The following DDR2 variants were observed in gnomAD, a reference collection of about 807,000 sequenced individuals.
The protein encoded by DDR2 is discoidin domain-containing receptor 2.
Under a neutral mutation model 94.9 loss-of-function variants are expected in DDR2, and 27 were observed. That is an observed-to-expected ratio of 0.28 (90% CI 0.21 to 0.39). The LOEUF (loss-of-function observed/expected upper bound fraction) is 0.39, where lower values mean the gene tolerates loss of function less well. DDR2 is among the 10% of genes least tolerant of loss of function. The pLI is 1.00. For synonymous variants in DDR2, 382 were observed against 377.2 expected, an observed-to-expected ratio of 1.01 and a Z score of -0.15; for missense variants, 783 against 1,076.0, an observed-to-expected ratio of 0.73 and a Z score of 3.81.
intron 11 of DDR2, among the ~76,000 whole-genome samples, chr1:162,768,578 C>G (rs1664111734): frequency 6.6e-6 from 1 of 152,150 alleles, no homozygotes; most frequent in African/African-American, 2.4e-5. Context: ...GTCTCTAGAG[C>G]TTTCTAGATG....
chr1:162,723,407 A>G (rs1393027575), intron 3 of DDR2, among the ~76,000 whole-genome samples: 2 of 152,162 alleles, frequency 1.3e-5, no homozygotes, highest in Non-Finnish European at 2.9e-5. Flanking sequence ...AGACCCCACA[A>G]TCATGCACAA....
Position 162,682,927 on chromosome 1 carries a change from A to G in DDR2, c.-28+27553A>G, listed in dbSNP as rs80121304. Among the ~76,000 whole-genome samples the G allele has an allele frequency of 7.8e-3, 1,192 of 152,316 alleles. 8 individuals are homozygous for G. Among genetic ancestry groups the G allele is most frequent in the African/African-American group, 0.028 (1,149 of 41,574 alleles). On this transcript the variant is annotated intron_variant, in intron 2 of 17. Coordinates refer to ENST00000367921, the MANE Select transcript of DDR2 (RefSeq NM_006182.4). ...AAAGAAAAAGGATGAAGAAAGCTAT[A>G]TTATATAAACATTAATTGAATGAAA...
chr1:162,659,338 T>TG (rs1658175953), intron 2 of DDR2, among the ~76,000 whole-genome samples: 3 of 152,084 alleles, frequency 2.0e-5, no homozygotes, highest in Non-Finnish European at 4.4e-5. Flanking sequence ...ACCTAAGCCT[T>TG]GGGGGCTAGG....
Position 162,645,514 on chromosome 1 carries a change from G to A in DDR2, c.-191-9697G>A, listed in dbSNP as rs557713005. ...CCAATAAAATTTAAATTATTTTAATGTGATAGATAATGTGGTTTTGTTGAA... is the reference window on the plus strand; with the variant it reads ...CCAATAAAATTTAAATTATTTTAATATGATAGATAATGTGGTTTTGTTGAA... On this transcript the variant is annotated intron_variant, in intron 1 of 17. Transcript: ENST00000367921. Among the ~76,000 whole-genome samples, 78 of 152,298 alleles carry A rather than the reference G, an allele frequency of 5.1e-4. No homozygotes were observed. In the South Asian group the frequency reaches 0.016, roughly 30 times the overall value.
At chr1:162,777,880 G>A (rs557039720) in intron 16 of DDR2, 1 of 154,038 alleles carries the variant, frequency 6.5e-6, no homozygotes, top group East Asian at 1.9e-4. Flanking sequence ...GGACCACCAG[G>A]TTGCCTAAAG....
At chr1:162,761,561 C>T in intron 9 of DDR2, 107 bp downstream of exon 9, 6 of 1,548,794 alleles carry the variant, frequency 3.9e-6, no homozygotes, top group South Asian at 3.5e-5. Context: ...TGGGATTGTA[C>T]AGGCAGCTTC....
chr1:162,663,270 G>A (rs1658396474), intron 2 of DDR2, among the ~76,000 whole-genome samples: 1 of 152,100 alleles, frequency 6.6e-6, no homozygotes, highest in Non-Finnish European at 1.5e-5. Flanking sequence ...AGTCAAATAT[G>A]CAGGGCTGAC....
At chr1:162,685,472 G>A (rs1339126606) in intron 2 of DDR2, among the ~76,000 whole-genome samples, 3 of 152,074 alleles carry the variant, frequency 2.0e-5, no homozygotes, top group Admixed American at 2.0e-4. Flanking sequence ...TTTTAGACTG[G>A]GAGGCACACT....
At chr1:162,645,905 T>A (rs1201103474) in intron 1 of DDR2, among the ~76,000 whole-genome samples, 2 of 152,324 alleles carry the variant, frequency 1.3e-5, no homozygotes, top group East Asian at 3.9e-4. Context: ...CCATTCTTCT[T>A]TGTGTGTTTA....
At chr1:162,729,868 C>T (rs994781593) in intron 3 of DDR2, among the ~76,000 whole-genome samples, 4 of 151,732 alleles carry the variant, frequency 2.6e-5, no homozygotes, top group Admixed American at 6.6e-5. Flanking sequence ...CTCAGCCTCT[C>T]GAGTAGCTGG....
At chr1:162,736,756 A>G (rs1166532835) in intron 3 of DDR2, among the ~76,000 whole-genome samples, 1 of 152,250 alleles carries the variant, frequency 6.6e-6, no homozygotes, top group Non-Finnish European at 1.5e-5. Flanking sequence ...CAGTACGTGA[A>G]AGAATGGGCA....
At chr1:162,731,543 A>G (rs1034213216) in intron 3 of DDR2, among the ~76,000 whole-genome samples, 1 of 152,236 alleles carries the variant, frequency 6.6e-6, no homozygotes, top group Non-Finnish European at 1.5e-5. Context: ...ATTAACTCAT[A>G]TATTCCTTAT....
At chr1:162,760,358 T>TTTTG (rs144291746) in intron 8 of DDR2, among the ~76,000 whole-genome samples, 1 of 143,028 alleles carries the variant, frequency 7.0e-6, no homozygotes, top group Non-Finnish European at 1.5e-5. Flanking sequence ...ACCAGCACAG[T>TTTTG]TGTGTGTGTG....
chr1:162,731,472 A>T (rs1662044026), intron 3 of DDR2, among the ~76,000 whole-genome samples: 1 of 152,216 alleles, frequency 6.6e-6, no homozygotes, highest in Non-Finnish European at 1.5e-5. Context: ...CAAAGTAAAA[A>T]TAATTAAAAA....
rs1663300144 is a variant in DDR2, at chr1:162,753,217, GA to G, written c.185+23del. ...TGGAAGGTGAGGATGGTTACATCAA[GA>G]AAGCCCATGTTCTGGGGTTGGGCAG... On this transcript the variant is annotated intron_variant, in intron 4 of 17. Coordinates refer to ENST00000367921, the MANE Select transcript of DDR2 (RefSeq NM_006182.4). 1 of 1,608,020 alleles carries G rather than the reference GA, an allele frequency of 6.2e-7. No homozygotes were observed. The highest frequency in any genetic ancestry group is 1.1e-5 in the South Asian group (1 of 90,882).
At chr1:162,640,900 T>G (rs1417683057) in intron 1 of DDR2, among the ~76,000 whole-genome samples, 1 of 151,278 alleles carries the variant, frequency 6.6e-6, no homozygotes, top group Non-Finnish European at 1.5e-5. Context: ...TGGGACTATA[T>G]GTGCGTACTA....
intron 13 of DDR2, among the ~76,000 whole-genome samples, chr1:162,772,669 G>C (rs1380068429): frequency 6.6e-6 from 1 of 151,880 alleles, no homozygotes; most frequent in Non-Finnish European, 1.5e-5. Flanking sequence ...AAACAACCTC[G>C]CCCCTGCCTT....
intron 10 of DDR2, among the ~76,000 whole-genome samples, chr1:162,766,388 G>A (rs918824085): frequency 5.3e-5 from 8 of 152,290 alleles, no homozygotes; most frequent in African/African-American, 1.9e-4. Context: ...CTAAGGAGGG[G>A]TGGAAATCAA....
In DDR2 at chr1:162,755,201, T is replaced by A; in HGVS notation, c.463T>A (p.Leu155Met). Residue 155 changes from leucine to methionine, a missense_variant, in exon 6 of 18, where the codon TTG becomes ATG. Transcript: ENST00000367921. Reference sequence around the variant, plus strand: ...CCCCTATGACATTTTCCTAAAGGACTTGGAGCCGCCCATTGTAGCCAGATT... The same window carrying A: ...CCCCTATGACATTTTCCTAAAGGACATGGAGCCGCCCATTGTAGCCAGATT... The part of the protein sequence containing the change: ...SNPYDIFLKD[L>M]EPPIVARFVR... 3.7e-6 allele frequency: 6 copies of A among 1,614,134 alleles called. No individual in the cohort carries two copies. The highest frequency in any genetic ancestry group is 2.2e-5 in the East Asian group (1 of 44,866).
Sources: allele counts gnomAD v4.1 joint callset (sites outside exome capture counted in the v4.1 genomes callset), GRCh38; gene constraint gnomAD v4.1.1; transcripts MANE v1.5; gene names NCBI Gene and HGNC (gene_info 2026-07-23, HGNC 2026-07-21).